Variants in RAB3GAP1 observed in about 807,000 individuals in gnomAD.
The protein encoded by RAB3GAP1 is rab3 GTPase-activating protein catalytic subunit.
A neutral mutation model predicts 130.7 loss-of-function variants in RAB3GAP1; 86 were observed. That is an observed-to-expected ratio of 0.66 (90% CI 0.55 to 0.79). The LOEUF is 0.79. RAB3GAP1 is among the 30% of genes least tolerant of loss of function. RAB3GAP1 has a pLI of 0.00. For missense variants in RAB3GAP1, 1,029 were observed against 1,169.4 expected (o/e 0.88, Z 1.75); for synonymous variants, 367 against 401.7 (o/e 0.91, Z 1.03).
chr2:135,144,369 G>T (rs1691935751), intron 17 of RAB3GAP1, among the ~76,000 whole-genome samples: 1 of 152,190 alleles, frequency 6.6e-6, no homozygotes, highest in Non-Finnish European at 1.5e-5. Flanking sequence ...GCTTTTATGG[G>T]CTCAGAATGG....
intron 17 of RAB3GAP1, among the ~76,000 whole-genome samples, chr2:135,147,442 TAATA>T (rs1033908928): frequency 1.7e-4 from 26 of 152,150 alleles, no homozygotes; most frequent in East Asian, 5.8e-4. Flanking sequence ...CTTATCTGTT[TAATA>T]AATAAATAAA....
intron 17 of RAB3GAP1, among the ~76,000 whole-genome samples, chr2:135,149,518 A>G (rs6730157): frequency 0.61 from 92,912 of 152,136 alleles, 33,638 homozygotes; most frequent in East Asian, 1. Flanking sequence ...ACAATACTAC[A>G]TTACAGGTTG....
intron 3 of RAB3GAP1, among the ~76,000 whole-genome samples, chr2:135,070,430 GTTCT>G (rs1558761396): frequency 6.6e-6 from 1 of 152,154 alleles, no homozygotes. Context: ...TATAATGGGT[GTTCT>G]TTCTGTCTTT....
At chr2:135,124,523 G>T (rs1691294276) in intron 9 of RAB3GAP1, among the ~76,000 whole-genome samples, 1 of 152,030 alleles carries the variant, frequency 6.6e-6, no homozygotes, top group Non-Finnish European at 1.5e-5. Flanking sequence ...AAATTAACTG[G>T]GTGTGGTTGC....
At chr2:135,075,821 G>A (rs1226424235) in intron 3 of RAB3GAP1, among the ~76,000 whole-genome samples, 1 of 150,704 alleles carries the variant, frequency 6.6e-6, no homozygotes, top group Admixed American at 6.6e-5. Flanking sequence ...GTCACAGAGT[G>A]TCAGTCTCTG....
In RAB3GAP1 at chr2:135,113,132, A is replaced by G; in HGVS notation, c.363-19A>G. The G allele has an allele frequency of 6.2e-7, 1 of 1,614,048 alleles. No homozygotes were observed. Among genetic ancestry groups the G allele is most frequent in the South Asian group, 1.1e-5 (1 of 91,084 alleles). On this transcript the variant is annotated intron_variant, in intron 5 of 23. Transcript: ENST00000264158. ...TTCTGAGGTTTCCCCTGTTTAATGCAGTTAATTCTTTTTTTAAGGTATGGG... is the reference window on the plus strand; with the variant it reads ...TTCTGAGGTTTCCCCTGTTTAATGCGGTTAATTCTTTTTTTAAGGTATGGG...
rs748553812 is a variant in RAB3GAP1, at chr2:135,135,942, A to C, written c.1923+10A>C. 5 of 1,612,836 alleles carry C rather than the reference A, an allele frequency of 3.1e-6. No individual in the cohort carries two copies. In the South Asian group the frequency reaches 4.4e-5, roughly 14 times the overall value. On this transcript the variant is annotated intron_variant, in intron 17 of 23. Coordinates refer to ENST00000264158, the MANE Select transcript of RAB3GAP1 (RefSeq NM_012233.3). ...CATTCCAGTAACCCAGGTAGGATGC[A>C]CTAGTTCTTTCCATTTTAATTTATT...
At chr2:135,120,363 G>T (rs1465028954) in intron 7 of RAB3GAP1, among the ~76,000 whole-genome samples, 1 of 152,176 alleles carries the variant, frequency 6.6e-6, no homozygotes, top group Non-Finnish European at 1.5e-5. Context: ...GAAAACATTT[G>T]TGGAAGCAGT....
chr2:135,106,074 G>A (rs867847532), intron 5 of RAB3GAP1, among the ~76,000 whole-genome samples: 13 of 151,942 alleles, frequency 8.6e-5, no homozygotes, highest in South Asian at 2.1e-4. Context: ...GTCTCGGCCC[G>A]GCAGCCGCCC....
chr2:135,073,548 A>G (rs1221782748), intron 3 of RAB3GAP1, among the ~76,000 whole-genome samples: 1 of 152,118 alleles, frequency 6.6e-6, no homozygotes, highest in African/African-American at 2.4e-5. Context: ...TTTCCCATGT[A>G]TCTCATTGGG....
chr2:135,140,321 A>T, intron 17 of RAB3GAP1, among the ~76,000 whole-genome samples: 1 of 152,212 alleles, frequency 6.6e-6, no homozygotes. Context: ...CTATCTAAAT[A>T]GTCTGTCTAA....
chr2:135,168,290 C>G (rs1251494894), intron 23 of RAB3GAP1, among the ~76,000 whole-genome samples: 2 of 152,198 alleles, frequency 1.3e-5, no homozygotes. Flanking sequence ...ATATGGCCTT[C>G]TCTCTTCAGA....
At chr2:135,106,397 T>G (rs553267714) in intron 5 of RAB3GAP1, among the ~76,000 whole-genome samples, 1 of 152,226 alleles carries the variant, frequency 6.6e-6, no homozygotes, top group East Asian at 1.9e-4. Context: ...GAGACTCCAT[T>G]TTGTTCTGTA....
downstream of RAB3GAP1, among the ~76,000 whole-genome samples, chr2:135,172,812 C>G (rs1052580461): frequency 6.6e-6 from 1 of 152,180 alleles, no homozygotes. Flanking sequence ...CCTCCTGCCT[C>G]CAACTCACAC....
chr2:135,117,693 TCTGCTTCTTCTGCTTCTG>T (rs1691055788), intron 7 of RAB3GAP1, among the ~76,000 whole-genome samples: 2 of 126,682 alleles, frequency 1.6e-5, no homozygotes, highest in African/African-American at 2.9e-5. Flanking sequence ...TGCTTCTTCT[TCTGCTTCTTCTGCTTCTG>T]CTTCTTCTTC....
At chr2:135,061,695 T>G (rs1039007992) in intron 3 of RAB3GAP1, among the ~76,000 whole-genome samples, 1 of 152,156 alleles carries the variant, frequency 6.6e-6, no homozygotes, top group East Asian at 1.9e-4. Context: ...TATATATATA[T>G]TCTGCTTTTA....
At chr2:135,067,782 G>A (rs1302665018) in intron 3 of RAB3GAP1, among the ~76,000 whole-genome samples, 5 of 152,160 alleles carry the variant, frequency 3.3e-5, no homozygotes, top group African/African-American at 1.2e-4. Flanking sequence ...GCTAGAGTGC[G>A]GTGGCACCAT....
intron 9 of RAB3GAP1, among the ~76,000 whole-genome samples, chr2:135,124,650 G>C (rs1443772408): frequency 2.0e-5 from 3 of 152,110 alleles, no homozygotes; most frequent in Admixed American, 2.0e-4. Flanking sequence ...GGGCAACAGA[G>C]CAAGACTCCG....
Position 135,097,242 on chromosome 2 carries a change from G to A in RAB3GAP1, c.362+3549G>A, listed in dbSNP as rs148037889. 2.9e-3 allele frequency among the ~76,000 whole-genome samples: 432 copies of A among 147,904 alleles called. 2 individuals carry two copies. The highest frequency in any genetic ancestry group is 0.01 in the African/African-American group (409 of 39,542). On this transcript the variant is annotated intron_variant, in intron 5 of 23. Coordinates refer to ENST00000264158, the MANE Select transcript of RAB3GAP1 (RefSeq NM_012233.3). ...TTTTTTTTTTTTTTTTAAAGAGACA[G>A]GTCTTACTCTGTCACCCAGGCTGGA...
Sources: allele counts gnomAD v4.1 joint callset (sites outside exome capture counted in the v4.1 genomes callset), GRCh38; gene constraint gnomAD v4.1.1; transcripts MANE v1.5; gene names NCBI Gene and HGNC (gene_info 2026-07-23, HGNC 2026-07-21).